Variants in AHRR observed in about 807,000 individuals in gnomAD.
AHRR encodes the protein aryl hydrocarbon receptor repressor, also known as ahR repressor.
Under a neutral mutation model 44.0 loss-of-function variants are expected in AHRR, and 28 were observed. The ratio of observed to expected loss-of-function variants is 0.64; its 90% confidence interval spans 0.47 to 0.87. The LOEUF (loss-of-function observed/expected upper bound fraction) is 0.87, where lower values mean the gene tolerates loss of function less well. Ranked by LOEUF, AHRR falls within the 40% of genes least tolerant of loss-of-function variation. AHRR has a pLI of 0.00. For missense variants in AHRR, 990 were observed against 953.9 expected, an observed-to-expected ratio of 1.04 and a Z score of -0.50; for synonymous variants, 434 against 407.0, an observed-to-expected ratio of 1.07 and a Z score of -0.80.
intron 1 of AHRR, among the ~76,000 whole-genome samples, chr5:328,498 A>C (rs1323269106): frequency 6.6e-6 from 1 of 151,094 alleles, no homozygotes; most frequent in Non-Finnish European, 1.5e-5. Flanking sequence ...TGATCCACCC[A>C]CCTCGGCCTC....
intron 5 of AHRR, 191 bp from the exon 6 acceptor site, chr5:422,538 G>A (rs766242368): frequency 3.1e-5 from 22 of 708,932 alleles, no homozygotes; most frequent in South Asian, 5.4e-5. Context: ...GGTGCTCCAG[G>A]CAACTTAGAC....
intron 3 of AHRR, chr5:367,838 A>T: frequency 1.4e-6 from 1 of 702,550 alleles, no homozygotes; most frequent in South Asian, 1.5e-5. Context: ...GATGCCGAAG[A>T]TGTGGATGAC....
intron 4 of AHRR, among the ~76,000 whole-genome samples, chr5:390,060 G>A (rs1038562185): frequency 2.6e-5 from 4 of 151,964 alleles, no homozygotes; most frequent in African/African-American, 7.3e-5. Context: ...AAAGATGCGC[G>A]GGACGAAGAA....
chr5:404,153 C>A lies in AHRR; in HGVS notation c.352-9191C>A. ...TCCGTCTCTCTCAGCCTCAGCCGTT[C>A]CTGGTGGGTCTGCATTCCTGTCACG... On this transcript the variant is annotated intron_variant, in intron 4 of 10. Coordinates refer to ENST00000684583, the MANE Select transcript of AHRR (RefSeq NM_001377236.1). The surrounding 1 kb of genome is among the most constrained non-coding windows in gnomAD (Gnocchi z 4.1). 1.9e-6 allele frequency: 1 copy of A among 536,388 alleles called. No homozygotes were observed. Among genetic ancestry groups the A allele is most frequent in the Non-Finnish European group, 3.6e-6 (1 of 280,932 alleles). The allele number at this position is 536,388 out of a possible 1,614,324, so 33.2% of individuals were successfully genotyped here. A position where few individuals can be genotyped will look rare whatever the true frequency, so the allele number is the denominator to read the frequency against.
Position 436,281 on chromosome 5 carries a change from C to T in AHRR, c.*1447C>T, listed in dbSNP as rs964071357. ...GAGGGACCCACCACCCCTAGGGACC[C>T]ACCACCCCGCCGCACTGTGCATTCT... is the stretch of plus-strand genomic sequence containing the variant. On this transcript the variant is annotated 3_prime_UTR_variant, in exon 11 of 11. Transcript: ENST00000684583. The T allele has an allele frequency of 6.2e-5, 5 of 81,198 alleles. No individual in the cohort carries two copies. Among genetic ancestry groups the T allele is most frequent in the Non-Finnish European group, 9.5e-5 (4 of 41,896 alleles). 5.0% of individuals were successfully genotyped at this position (81,198 alleles called of 1,614,324 possible).
chr5:402,339 G>A (rs555355332), intron 4 of AHRR, among the ~76,000 whole-genome samples: 29 of 151,370 alleles, frequency 1.9e-4, no homozygotes, highest in African/African-American at 6.3e-4. Context: ...CACTGTTGGC[G>A]GGAAGGCAGT....
At position 422,734 on chromosome 5, in the gene AHRR, T is replaced by C. The variant is rs768468510; in HGVS notation, c.447T>C (p.Asp149=). ...ATCTTGTTGCGCTATTTCAGACGGA[T>C]GTAATGCACCAGAACATTTATGACT... ...IVDYLGFHQT[D]VMHQNIYDYI... is the part of the protein sequence containing the mutation. The change falls in exon 6 of 11, where the codon GAT becomes GAC. Residue 149 remains aspartate (D), a synonymous_variant. Transcript: ENST00000684583. 6.2e-7 allele frequency: 1 copy of C among 1,614,168 alleles called. No homozygotes were observed. Among genetic ancestry groups the C allele is most frequent in the Non-Finnish European group, 8.5e-7 (1 of 1,180,040 alleles).
intron 5 of AHRR, chr5:421,426 G>A (rs1041194861): frequency 1.6e-5 from 9 of 548,420 alleles, no homozygotes; most frequent in Non-Finnish European, 2.9e-5. Flanking sequence ...ACAGGCAGAA[G>A]CAGCCTCGCG....
intron 5 of AHRR, chr5:421,368 C>G (rs991259228): frequency 1.2e-5 from 8 of 664,278 alleles, no homozygotes; most frequent in Middle Eastern, 2.4e-4. Context: ...ACGTGGAGTC[C>G]GCGCACAGTA....
chr5:353,777 G>T lies in AHRR; in HGVS notation c.110G>T (p.Arg37Leu). ...AEKSNPSKRH[R>L]DRLNAELDHL... ...AAGTCCAACCCCTCCAAGCGACACC[G>T]GGACCGCCTCAACGCCGAGTTGGAC... Residue 37 changes from arginine (R) to leucine (L), a missense_variant, in exon 3 of 11, where the codon CGG (arginine) becomes CTG (leucine). Coordinates refer to ENST00000684583, the MANE Select transcript of AHRR (RefSeq NM_001377236.1). 6.2e-7 allele frequency: 1 copy of T among 1,613,486 alleles called. No homozygotes were observed. The highest frequency in any genetic ancestry group is 1.1e-5 in the South Asian group (1 of 91,076).
At chr5:349,695 C>G (rs1651335) in intron 2 of AHRR, among the ~76,000 whole-genome samples, 1 of 152,096 alleles carries the variant, frequency 6.6e-6, no homozygotes, top group East Asian at 1.9e-4. Flanking sequence ...CCCCCAAGGT[C>G]TGAAGGATTG....
At chr5:433,037 AAAAAT>A (rs1474946649) in intron 10 of AHRR, 90 bp downstream of exon 10, 6 of 1,415,644 alleles carry the variant, frequency 4.2e-6, no homozygotes, top group Non-Finnish European at 5.6e-6. Flanking sequence ...GATTAAGAAG[AAAAAT>A]AAAAAAGACG....
rs11744936 is a variant in AHRR at position 411,997 on chromosome 5, C to T, written c.352-1347C>T. Among the ~76,000 whole-genome samples the T allele has an allele frequency of 0.23, 35,291 of 152,108 alleles. 5,388 individuals are homozygous for T. The highest frequency in any genetic ancestry group is 0.34 in the Non-Finnish European group (23,059 of 67,968). On this transcript the variant is annotated intron_variant, in intron 4 of 10. Coordinates refer to ENST00000684583, the MANE Select transcript of AHRR (RefSeq NM_001377236.1). The surrounding 1 kb of genome is among the most constrained non-coding windows in gnomAD (Gnocchi z 4.2). ...GCGACTCAGAGGCCACCGTCTTTCG[C>T]GCATCCTCACCGGTGATGGCCCCGG... is the stretch of plus-strand genomic sequence containing the variant.
rs1429425222 is a variant in AHRR at position 419,926 on chromosome 5, G to A, written c.442-2803G>A. Among the ~76,000 whole-genome samples the A allele has an allele frequency of 2.8e-4, 42 of 152,228 alleles. 2 individuals are homozygous for A. The highest frequency in any genetic ancestry group is 2.7e-3 in the Admixed American group (42 of 15,288). On this transcript the variant is annotated intron_variant, in intron 5 of 10. Transcript: ENST00000684583. The surrounding 1 kb of genome is among the most constrained non-coding windows in gnomAD (Gnocchi z 4.4). ...AAGATGTGGAATTGGGAGGTAGAGTGGTTTAGAATAAGAACTCCGAAAGGT... is the reference window on the plus strand; with the variant it reads ...AAGATGTGGAATTGGGAGGTAGAGTAGTTTAGAATAAGAACTCCGAAAGGT...
At chr5:410,257 C>T (rs997969979) in intron 4 of AHRR, among the ~76,000 whole-genome samples, 3 of 152,192 alleles carry the variant, frequency 2.0e-5, no homozygotes, top group African/African-American at 7.2e-5. Flanking sequence ...AGTGCAGTGG[C>T]GTGATCTCAA....
chr5:380,166 C>T (rs1230105044), intron 4 of AHRR, among the ~76,000 whole-genome samples: 1 of 152,154 alleles, frequency 6.6e-6, no homozygotes, highest in Non-Finnish European at 1.5e-5. Flanking sequence ...TTTCTGGACT[C>T]TGTATTCTGT....
chr5:346,775 T>C (rs1286680390), intron 2 of AHRR, among the ~76,000 whole-genome samples: 1 of 152,146 alleles, frequency 6.6e-6, no homozygotes, highest in Non-Finnish European at 1.5e-5. Context: ...CCAGGATGCT[T>C]CCACATCCCC....
chr5:428,770 C>T (rs192992898), intron 8 of AHRR, among the ~76,000 whole-genome samples: 80 of 152,224 alleles, frequency 5.3e-4, no homozygotes, highest in African/African-American at 1.6e-3. Context: ...GGCCCCATGG[C>T]GGGGGTGGGG....
intron 1 of AHRR, among the ~76,000 whole-genome samples, chr5:335,811 T>G (rs1010223394): frequency 6.6e-6 from 1 of 152,214 alleles, no homozygotes; most frequent in Non-Finnish European, 1.5e-5. Context: ...GGCCCGCAAC[T>G]CAGCTCCAGG....
Sources: allele counts gnomAD v4.1 joint callset (sites outside exome capture counted in the v4.1 genomes callset), GRCh38; gene constraint gnomAD v4.1.1; non-coding constraint Gnocchi (gnomAD v3.1); transcripts MANE v1.5; gene names NCBI Gene and HGNC (gene_info 2026-07-23, HGNC 2026-07-21).